NKAIN2: variants seen among roughly 807,000 people sequenced by gnomAD.
NKAIN2 encodes sodium/potassium-transporting ATPase subunit beta-1-interacting protein 2.
NKAIN2 carries 14 observed loss-of-function variants against 32.6 expected under a neutral mutation model. That is an observed-to-expected ratio of 0.43 (90% CI 0.28 to 0.67). The LOEUF (loss-of-function observed/expected upper bound fraction) is 0.67, where lower values mean the gene tolerates loss of function less well. Among genes scored for constraint, NKAIN2 ranks in the 30% least tolerant of loss-of-function variants. NKAIN2 has a pLI of 0.17. For missense variants in NKAIN2, 198 were observed against 258.3 expected, an observed-to-expected ratio of 0.77 and a Z score of 1.60; for synonymous variants, 80 against 87.2, an observed-to-expected ratio of 0.92 and a Z score of 0.46.
chr6:123,852,142 GTCCAA>G (rs1775373982), intron 1 of NKAIN2, among the ~76,000 whole-genome samples: 1 of 152,110 alleles, frequency 6.6e-6, no homozygotes, highest in Admixed American at 6.5e-5. Context: ...TGTTATAAGG[GTCCAA>G]TTTCATTTTT....
intron 1 of NKAIN2, among the ~76,000 whole-genome samples, chr6:123,963,374 A>G (rs1777937715): frequency 6.6e-6 from 1 of 152,192 alleles, no homozygotes; most frequent in Admixed American, 6.5e-5. Context: ...ACCTCTGGAC[A>G]CAGCTCAAAC....
intron 1 of NKAIN2, among the ~76,000 whole-genome samples, chr6:123,995,389 C>T (rs973421046): frequency 2.6e-5 from 4 of 152,128 alleles, no homozygotes; most frequent in Non-Finnish European, 5.9e-5. Flanking sequence ...TAAACTTGCA[C>T]ATGCTTTAAG....
At chr6:123,835,762 T>C (rs1371882772) in intron 1 of NKAIN2, among the ~76,000 whole-genome samples, 2 of 152,224 alleles carry the variant, frequency 1.3e-5, no homozygotes, top group East Asian at 3.8e-4. Flanking sequence ...AGAAATGCTT[T>C]ATCGCGTGAA....
intron 1 of NKAIN2, among the ~76,000 whole-genome samples, chr6:123,977,964 A>G (rs1400769883): frequency 1.3e-5 from 2 of 152,186 alleles, no homozygotes; most frequent in Non-Finnish European, 2.9e-5. Context: ...AGGAAGATAC[A>G]AAGCTAGATG....
At chr6:124,310,643 A>C (rs1382773527) in intron 2 of NKAIN2, among the ~76,000 whole-genome samples, 1 of 152,306 alleles carries the variant, frequency 6.6e-6, no homozygotes, top group East Asian at 1.9e-4. Flanking sequence ...AGATTCATTC[A>C]GAAATTAACT....
At chr6:124,546,013 A>G (rs946040577) in intron 3 of NKAIN2, among the ~76,000 whole-genome samples, 5 of 152,260 alleles carry the variant, frequency 3.3e-5, no homozygotes. Flanking sequence ...AGAAAAAAAA[A>G]AAACAGTGAA....
intron 3 of NKAIN2, among the ~76,000 whole-genome samples, chr6:124,492,451 G>T (rs1397478029): frequency 6.6e-6 from 1 of 151,804 alleles, no homozygotes; most frequent in Non-Finnish European, 1.5e-5. Context: ...GAAAATATCA[G>T]CTTTGAATAA....
At chr6:124,726,319 T>C (rs1776303783) in intron 4 of NKAIN2, among the ~76,000 whole-genome samples, 1 of 152,296 alleles carries the variant, frequency 6.6e-6, no homozygotes, top group Admixed American at 6.5e-5. Flanking sequence ...TCTGACAGCT[T>C]TGAAGAGAGC....
At chr6:124,227,280 C>G (rs1290024902) in intron 1 of NKAIN2, among the ~76,000 whole-genome samples, 1 of 152,014 alleles carries the variant, frequency 6.6e-6, no homozygotes, top group East Asian at 1.9e-4. Flanking sequence ...CTGACTTTCC[C>G]TTCCTTTGAG....
intron 3 of NKAIN2, among the ~76,000 whole-genome samples, chr6:124,654,470 G>T (rs1274669473): frequency 6.6e-6 from 1 of 151,976 alleles, no homozygotes; most frequent in Non-Finnish European, 1.5e-5. Flanking sequence ...TAACAAAAGA[G>T]AAAACTTAGA....
At chr6:124,615,149 C>T (rs1044596368) in intron 3 of NKAIN2, among the ~76,000 whole-genome samples, 4 of 152,164 alleles carry the variant, frequency 2.6e-5, no homozygotes, top group African/African-American at 7.2e-5. Flanking sequence ...TCATGTATCA[C>T]GTCACATAAA....
intron 1 of NKAIN2, among the ~76,000 whole-genome samples, chr6:123,818,975 T>G (rs1326389946): frequency 1.3e-5 from 2 of 152,182 alleles, no homozygotes; most frequent in East Asian, 3.9e-4. Context: ...TGGAAAGGTG[T>G]GTGTTTGTCT....
chr6:123,806,736 A>G (rs1410803283), intron 1 of NKAIN2, among the ~76,000 whole-genome samples: 1 of 152,030 alleles, frequency 6.6e-6, no homozygotes, highest in Non-Finnish European at 1.5e-5. Context: ...TGTTCTTGTA[A>G]CATTTGGGCA....
intron 1 of NKAIN2, among the ~76,000 whole-genome samples, chr6:124,186,978 A>G (rs763465740): frequency 3.9e-5 from 6 of 152,106 alleles, no homozygotes; most frequent in African/African-American, 7.2e-5. Context: ...TTTTTTTAAA[A>G]ATTTTTACTT....
chr6:124,214,051 G>T (rs1485994482), intron 1 of NKAIN2, among the ~76,000 whole-genome samples: 1 of 152,062 alleles, frequency 6.6e-6, no homozygotes, highest in Non-Finnish European at 1.5e-5. Context: ...CATCTTCATT[G>T]TTAACATTTC....
At chr6:124,790,162 C>A (rs1370778332) in intron 4 of NKAIN2, among the ~76,000 whole-genome samples, 1 of 152,044 alleles carries the variant, frequency 6.6e-6, no homozygotes. Flanking sequence ...CTCTCAAATC[C>A]AAATTAGGGA....
chr6:124,416,437 A>G (rs570375976), intron 3 of NKAIN2, among the ~76,000 whole-genome samples: 105 of 152,264 alleles, frequency 6.9e-4, no homozygotes, highest in African/African-American at 2.4e-3. Context: ...GGAGTCTGAG[A>G]CCAGCCTGGG....
Position 123,874,885 on chromosome 6 carries a change from C to CTACATACATACA in NKAIN2, c.54+70646_54+70657dup, listed in dbSNP as rs35937099. ...ATTCTTTGATCTTTTCTCGCTATTC[C>CTACATACATACA]TACATACATACATACATACATACAT... On this transcript the variant is annotated intron_variant, in intron 1 of 6. Coordinates refer to ENST00000368417, the MANE Select transcript of NKAIN2 (RefSeq NM_001040214.3). Among the ~76,000 whole-genome samples the CTACATACATACA allele has an allele frequency of 8.2e-4, 124 of 150,942 alleles. 2 individuals are homozygous for CTACATACATACA. The East Asian group carries it at 0.012, about 15-fold the overall frequency.
chr6:124,527,441 A>G (rs1429968444), intron 3 of NKAIN2, among the ~76,000 whole-genome samples: 1 of 152,210 alleles, frequency 6.6e-6, no homozygotes, highest in Non-Finnish European at 1.5e-5. Flanking sequence ...TAAATAATAA[A>G]TATTTCTGAA....
Sources: gnomAD v4.1 joint callset for allele counts (sites outside exome capture counted in the v4.1 genomes callset) on GRCh38, gnomAD v4.1.1 for gene constraint, MANE v1.5 for transcripts, NCBI Gene and HGNC (gene_info 2026-07-23, HGNC 2026-07-21) for gene names.